RSRC1: variants seen among roughly 807,000 people sequenced by gnomAD.
The protein encoded by RSRC1 is arginine and serine rich coiled-coil 1.
Under a neutral mutation model 49.1 loss-of-function variants are expected in RSRC1, and 39 were observed. The observed-to-expected ratio is 0.79, with a 90% CI of 0.61 to 1.04. RSRC1 has a LOEUF of 1.04. Ranked by LOEUF, RSRC1 falls within the 50% of genes least tolerant of loss-of-function variation. RSRC1 has a pLI of 0.00. For synonymous variants in RSRC1, 143 were observed against 130.8 expected (o/e 1.09, Z -0.63); for missense variants, 388 against 402.4 (o/e 0.96, Z 0.31).
chr3:158,453,304 A>G (rs1297763480), intron 6 of RSRC1, among the ~76,000 whole-genome samples: 2 of 151,486 alleles, frequency 1.3e-5, no homozygotes, highest in East Asian at 1.9e-4. Context: ...ATAGGCTCCT[A>G]CAAGTGGGAT....
chr3:158,327,506 G>A (rs1342248222), intron 5 of RSRC1, among the ~76,000 whole-genome samples: 3 of 152,166 alleles, frequency 2.0e-5, no homozygotes, highest in Admixed American at 2.0e-4. Flanking sequence ...AGTCATTCAG[G>A]AGCAGGTTGT....
Position 158,343,711 on chromosome 3 carries a change from T to C in RSRC1, c.532-11146T>C, listed in dbSNP as rs530304752. On this transcript the variant is annotated intron_variant, in intron 5 of 9. Transcript: ENST00000611884. ...CACTGGATGAGATTAGGGGATATGA[T>C]ACATTGTAGAAAATGGATTAGTGAG... Among the ~76,000 whole-genome samples, 7 of 152,248 alleles carry C rather than the reference T, an allele frequency of 4.6e-5. No homozygotes were observed. The South Asian group carries it at 1.2e-3, about 27-fold the overall frequency.
chr3:158,449,320 A>C (rs1302458996), intron 6 of RSRC1, among the ~76,000 whole-genome samples: 1 of 151,944 alleles, frequency 6.6e-6, no homozygotes, highest in Admixed American at 6.6e-5. Flanking sequence ...GGTTGCTGAA[A>C]CCATTGTACT....
chr3:158,244,249 C>T (rs186281350), intron 4 of RSRC1, among the ~76,000 whole-genome samples: 1 of 152,202 alleles, frequency 6.6e-6, no homozygotes, highest in Non-Finnish European at 1.5e-5. Context: ...TTGATATTGG[C>T]AATAGGTTTG....
At chr3:158,461,200 A>G (rs1430101182) in intron 7 of RSRC1, among the ~76,000 whole-genome samples, 197 bp downstream of exon 7, 1 of 151,914 alleles carries the variant, frequency 6.6e-6, no homozygotes, top group African/African-American at 2.4e-5. Flanking sequence ...TAAGCATGCT[A>G]TTATATATTC....
chr3:158,169,762 C>T (rs970569709), intron 3 of RSRC1, among the ~76,000 whole-genome samples: 9 of 152,172 alleles, frequency 5.9e-5, no homozygotes, highest in African/African-American at 2.2e-4. Context: ...TCCTCAGTTT[C>T]TATAAGAGGG....
At chr3:158,151,633 G>A (rs992780285) in intron 3 of RSRC1, among the ~76,000 whole-genome samples, 2 of 152,122 alleles carry the variant, frequency 1.3e-5, no homozygotes, top group African/African-American at 4.8e-5. Flanking sequence ...CCAACTAGGT[G>A]GTAGGTCCTG....
chr3:158,423,398 G>A (rs992871634), intron 6 of RSRC1, among the ~76,000 whole-genome samples: 4 of 151,780 alleles, frequency 2.6e-5, no homozygotes, highest in African/African-American at 4.8e-5. Flanking sequence ...GATATGCGGT[G>A]TTATTTCTGA....
At chr3:158,290,211 T>C in intron 4 of RSRC1, among the ~76,000 whole-genome samples, 1 of 152,030 alleles carries the variant, frequency 6.6e-6, no homozygotes, top group Non-Finnish European at 1.5e-5. Flanking sequence ...TTGAGAAATA[T>C]ATAACTGAAC....
At chr3:158,413,373 A>T (rs1201612918) in intron 6 of RSRC1, among the ~76,000 whole-genome samples, 1 of 152,180 alleles carries the variant, frequency 6.6e-6, no homozygotes, top group Non-Finnish European at 1.5e-5. Flanking sequence ...TAAAACCCAA[A>T]ACTATAAAAA....
chr3:158,373,652 A>G (rs1196272525), intron 6 of RSRC1, among the ~76,000 whole-genome samples: 2 of 151,976 alleles, frequency 1.3e-5, no homozygotes, highest in Non-Finnish European at 2.9e-5. Flanking sequence ...TGTATATATT[A>G]TAGCTTATAT....
intron 3 of RSRC1, among the ~76,000 whole-genome samples, chr3:158,144,820 C>G (rs1045126270): frequency 9.2e-5 from 14 of 152,234 alleles, no homozygotes; most frequent in African/African-American, 3.1e-4. Flanking sequence ...TTCTAATGAT[C>G]GCCATTCTTA....
intron 4 of RSRC1, among the ~76,000 whole-genome samples, chr3:158,212,036 C>G (rs1721705520): frequency 6.6e-6 from 1 of 151,860 alleles, no homozygotes; most frequent in Admixed American, 6.6e-5. Flanking sequence ...CCTAACTCCT[C>G]AAGAGTGTGC....
chr3:158,215,456 A>C (rs990316603), intron 4 of RSRC1, among the ~76,000 whole-genome samples: 4 of 151,514 alleles, frequency 2.6e-5, no homozygotes, highest in Non-Finnish European at 5.9e-5. Context: ...TTAGTCTTTT[A>C]ATTGGTGTGT....
intron 4 of RSRC1, among the ~76,000 whole-genome samples, chr3:158,229,006 G>A (rs139347686): frequency 2.4e-4 from 5 of 20,652 alleles, no homozygotes; most frequent in East Asian, 3.5e-3. Flanking sequence ...GTATATGTGT[G>A]TATAAACACA....
chr3:158,393,535 C>T (rs115992882), intron 6 of RSRC1, among the ~76,000 whole-genome samples: 2,583 of 151,946 alleles, frequency 0.017, 66 homozygotes, highest in African/African-American at 0.06. Flanking sequence ...ACTACAAACA[C>T]CTCTCTGCAC....
intron 3 of RSRC1, among the ~76,000 whole-genome samples, chr3:158,139,449 G>A (rs1011960400): frequency 1.3e-5 from 2 of 152,036 alleles, no homozygotes; most frequent in African/African-American, 4.8e-5. Context: ...TATCTTGTGG[G>A]TGCTGCAAGC....
intron 4 of RSRC1, among the ~76,000 whole-genome samples, chr3:158,284,780 A>T (rs889920459): frequency 1.3e-5 from 2 of 151,260 alleles, no homozygotes; most frequent in African/African-American, 4.9e-5. Flanking sequence ...TTCATTGTAG[A>T]TTCTGGATAT....
intron 3 of RSRC1, among the ~76,000 whole-genome samples, chr3:158,199,162 C>A (rs1001692168): frequency 6.6e-6 from 1 of 152,268 alleles, no homozygotes; most frequent in South Asian, 2.1e-4. Context: ...CTTTCTTTGC[C>A]TGCTGCTATC....
Sources: gnomAD v4.1 joint callset for allele counts (sites outside exome capture counted in the v4.1 genomes callset) on GRCh38, gnomAD v4.1.1 for gene constraint, MANE v1.5 for transcripts, NCBI Gene and HGNC (gene_info 2026-07-23, HGNC 2026-07-21) for gene names.